Variants in GABBR2 observed in about 807,000 individuals in gnomAD.
GABBR2 encodes the protein gamma-aminobutyric acid type B receptor subunit 2.
Under a neutral mutation model 105.6 loss-of-function variants are expected in GABBR2, and 23 were observed. The observed-to-expected ratio is 0.22, with a 90% CI of 0.16 to 0.31. The LOEUF (loss-of-function observed/expected upper bound fraction) is 0.31, where lower values mean the gene tolerates loss of function less well. GABBR2 is among the 10% of genes least tolerant of loss of function. GABBR2 has a pLI of 1.00. For synonymous variants in GABBR2, 478 were observed against 499.7 expected (o/e 0.96, Z 0.58); for missense variants, 734 against 1,245.5 (o/e 0.59, Z 6.18).
At chr9:98,595,295 G>T (rs985835100) in intron 1 of GABBR2, among the ~76,000 whole-genome samples, 1 of 151,832 alleles carries the variant, frequency 6.6e-6, no homozygotes, top group Non-Finnish European at 1.5e-5. Flanking sequence ...CCACCCTCGT[G>T]ACCTAATCAC....
chr9:98,583,597 G>A (rs758217204), intron 1 of GABBR2, among the ~76,000 whole-genome samples: 3 of 152,222 alleles, frequency 2.0e-5, no homozygotes, highest in Admixed American at 6.5e-5. Context: ...CAGGAAGGGT[G>A]GGTGAATGTC....
At chr9:98,632,069 C>T (rs559374227) in intron 1 of GABBR2, among the ~76,000 whole-genome samples, 33 of 152,316 alleles carry the variant, frequency 2.2e-4, no homozygotes, top group African/African-American at 7.7e-4. Context: ...ATTGTCTAGA[C>T]ACTAAGATGC....
At chr9:98,533,793 C>T (rs924237096) in intron 3 of GABBR2, among the ~76,000 whole-genome samples, 4 of 152,144 alleles carry the variant, frequency 2.6e-5, no homozygotes, top group African/African-American at 9.7e-5. Flanking sequence ...GCAGGATGTT[C>T]CTGCCAAGAG....
chr9:98,649,373 T>C (rs1411678288), intron 1 of GABBR2, among the ~76,000 whole-genome samples: 1 of 152,206 alleles, frequency 6.6e-6, no homozygotes, highest in Non-Finnish European at 1.5e-5. Flanking sequence ...GACTGAGTGG[T>C]CACCCAGTTT....
intron 12 of GABBR2, among the ~76,000 whole-genome samples, chr9:98,370,655 A>G (rs760588904): frequency 6.6e-6 from 1 of 152,216 alleles, no homozygotes; most frequent in African/African-American, 2.4e-5. Flanking sequence ...TGAATATAAC[A>G]ATAGACTCTA....
intron 3 of GABBR2, among the ~76,000 whole-genome samples, chr9:98,534,514 A>G (rs1160396944): frequency 6.6e-6 from 1 of 152,228 alleles, no homozygotes; most frequent in African/African-American, 2.4e-5. Context: ...CACTTTTCTT[A>G]GTAGTTTAAG....
chr9:98,526,302 A>C (rs970653982), intron 3 of GABBR2, among the ~76,000 whole-genome samples: 2 of 152,218 alleles, frequency 1.3e-5, no homozygotes, highest in Non-Finnish European at 2.9e-5. Flanking sequence ...TACTTCTCCC[A>C]CACCCACCCT....
At chr9:98,326,031 G>A (rs1387379306) in intron 13 of GABBR2, among the ~76,000 whole-genome samples, 1 of 152,142 alleles carries the variant, frequency 6.6e-6, no homozygotes, top group African/African-American at 2.4e-5. Context: ...GCAGCCTTGT[G>A]CGAAATTCCA....
intron 2 of GABBR2, among the ~76,000 whole-genome samples, chr9:98,560,782 G>GTATA (rs35347663): frequency 0.071 from 10,341 of 145,200 alleles, 430 homozygotes; most frequent in African/African-American, 0.1. Context: ...ATATAGTAGT[G>GTATA]TATATATATA....
intron 6 of GABBR2, among the ~76,000 whole-genome samples, chr9:98,467,609 A>C (rs1466462972): frequency 6.6e-6 from 1 of 152,222 alleles, no homozygotes; most frequent in Non-Finnish European, 1.5e-5. Context: ...GCGCAGTGGT[A>C]ATGAGATGGG....
At chr9:98,301,543 G>A (rs1331182694) in intron 16 of GABBR2, among the ~76,000 whole-genome samples, 1 of 152,202 alleles carries the variant, frequency 6.6e-6, no homozygotes, top group Admixed American at 6.5e-5. Flanking sequence ...TGTTTAACAC[G>A]TTTTCATGTG....
chr9:98,430,831 C>T (rs941072069), intron 7 of GABBR2, among the ~76,000 whole-genome samples: 4 of 151,958 alleles, frequency 2.6e-5, no homozygotes, highest in Admixed American at 1.3e-4. Flanking sequence ...GTCATCTGGG[C>T]GATTGTAAGA....
intron 2 of GABBR2, among the ~76,000 whole-genome samples, chr9:98,572,502 C>T (rs1159578402): frequency 2.0e-5 from 3 of 152,168 alleles, no homozygotes; most frequent in Non-Finnish European, 4.4e-5. Flanking sequence ...TGTTTTGAAG[C>T]CCAGTCTTGA....
At chr9:98,529,975 A>C (rs976536197) in intron 3 of GABBR2, among the ~76,000 whole-genome samples, 3 of 152,102 alleles carry the variant, frequency 2.0e-5, no homozygotes, top group Non-Finnish European at 2.9e-5. Flanking sequence ...AAGGTTCCAC[A>C]CACCTTCCCA....
intron 13 of GABBR2, among the ~76,000 whole-genome samples, chr9:98,355,984 T>C (rs1197701048): frequency 1.3e-5 from 2 of 152,192 alleles, no homozygotes; most frequent in Non-Finnish European, 2.9e-5. Context: ...CAGCAAACAG[T>C]GCTGGAACAA....
intron 13 of GABBR2, among the ~76,000 whole-genome samples, chr9:98,348,543 T>C (rs766849390): frequency 5.3e-5 from 8 of 152,236 alleles, no homozygotes; most frequent in Non-Finnish European, 8.8e-5. Flanking sequence ...ATTTTAACAA[T>C]ATTAATTCTT....
chr9:98,540,101 T>C (rs1057252532), intron 3 of GABBR2, among the ~76,000 whole-genome samples: 8 of 152,174 alleles, frequency 5.3e-5, no homozygotes, highest in African/African-American at 1.9e-4. Context: ...CAAAAGCCTC[T>C]TCAGCGTTTG....
At chr9:98,543,404 G>A (rs1828341054) in intron 2 of GABBR2, among the ~76,000 whole-genome samples, 1 of 151,696 alleles carries the variant, frequency 6.6e-6, no homozygotes, top group African/African-American at 2.4e-5. Context: ...CCATTCTGTT[G>A]CCCAGACTGG....
intron 11 of GABBR2, among the ~76,000 whole-genome samples, chr9:98,376,066 C>T (rs1831867818): frequency 6.6e-6 from 1 of 152,252 alleles, no homozygotes; most frequent in South Asian, 2.1e-4. Context: ...CTGCCTTGAA[C>T]ATAATCCATC....
Sources: gnomAD v4.1 joint callset for allele counts (sites outside exome capture counted in the v4.1 genomes callset) on GRCh38, gnomAD v4.1.1 for gene constraint, MANE v1.5 for transcripts, NCBI Gene and HGNC (gene_info 2026-07-23, HGNC 2026-07-21) for gene names.